EIF2A: variants seen among roughly 807,000 people sequenced by gnomAD.
The protein encoded by EIF2A is eukaryotic translation initiation factor 2A, also known as 65 kDa eukaryotic translation initiation factor 2A.
In EIF2A, 62 loss-of-function variants were observed where a neutral mutation model predicts 75.2. That is an observed-to-expected ratio of 0.82 (90% CI 0.67 to 1.02). EIF2A has a LOEUF of 1.02. Among genes scored for constraint, EIF2A ranks in the 50% least tolerant of loss-of-function variants. The probability of loss-of-function intolerance (pLI) is 0.00; values close to 1 mark genes in which losing one functional copy is unlikely to be tolerated. For synonymous variants in EIF2A, 207 were observed against 239.0 expected, an observed-to-expected ratio of 0.87 and a Z score of 1.23; for missense variants, 611 against 677.7, an observed-to-expected ratio of 0.90 and a Z score of 1.09.
intron 1 of EIF2A, among the ~76,000 whole-genome samples, chr3:150,548,345 G>A (rs1331218729): frequency 6.6e-6 from 1 of 152,176 alleles, no homozygotes; most frequent in Non-Finnish European, 1.5e-5. Context: ...GGCTATTTTT[G>A]TACCTGAAAT....
chr3:150,561,882 C>T (rs2107922009), intron 3 of EIF2A, among the ~76,000 whole-genome samples: 1 of 151,480 alleles, frequency 6.6e-6, no homozygotes, highest in Middle Eastern at 3.4e-3. Context: ...CCTCTGCCTC[C>T]CGAGTAGCTG....
intron 1 of EIF2A, among the ~76,000 whole-genome samples, chr3:150,548,046 A>T (rs573136864): frequency 3.8e-4 from 58 of 152,332 alleles, no homozygotes; most frequent in African/African-American, 1.3e-3. Flanking sequence ...CTCTCTGCTT[A>T]CAGGGTAGAT....
In EIF2A at chr3:150,581,638, T is replaced by A. The variant is rs1442682968; in HGVS notation, c.1518T>A (p.Ser506Arg). ...AAKQEARSDK[S>R]PDLAPTPAPQ... Reference sequence around the variant, plus strand: ...TGCAGGAAGCAAGAAGTGACAAGAGTCCAGATTTGGCACCTACTCCTGCCC... The same window carrying A: ...TGCAGGAAGCAAGAAGTGACAAGAGACCAGATTTGGCACCTACTCCTGCCC... The change falls in exon 12 of 14, where the codon AGT becomes AGA. Residue 506 changes from serine (S) to arginine (R), a missense_variant. By Grantham distance (110) the Ser-to-Arg change is moderately radical (BLOSUM62 -1). Coordinates refer to ENST00000460851, the MANE Select transcript of EIF2A (RefSeq NM_032025.5). 2.3e-5 allele frequency: 36 copies of A among 1,551,152 alleles called. No individual in the cohort carries two copies. Among genetic ancestry groups the A allele is most frequent in the Non-Finnish European group, 3.1e-5 (36 of 1,146,740 alleles).
chr3:150,563,234 T>C (rs1723985585), intron 4 of EIF2A, among the ~76,000 whole-genome samples: 1 of 152,208 alleles, frequency 6.6e-6, no homozygotes, highest in South Asian at 2.1e-4. Context: ...TAGGTCATTA[T>C]TGGCTTACAA....
At chr3:150,548,852 C>T (rs142829347) in intron 1 of EIF2A, among the ~76,000 whole-genome samples, 58 of 152,308 alleles carry the variant, frequency 3.8e-4, no homozygotes, top group African/African-American at 1.3e-3. Flanking sequence ...TGGTCCGATT[C>T]ACACTGCAAA....
At position 150,575,092 on chromosome 3, in the gene EIF2A, AT is replaced by A. The variant is rs549674732; in HGVS notation, c.1384-548del. Among the ~76,000 whole-genome samples, 5 of 151,404 alleles carry A rather than the reference AT, an allele frequency of 3.3e-5. No individual in the cohort carries two copies. The East Asian group carries it at 5.8e-4, about 17-fold the overall frequency. ...ATTGTGTAATCTGACAAGCCATGTAATTTTTTTTTGGTCTCTTCATATGTCA... is the reference window on the plus strand; with the variant it reads ...ATTGTGTAATCTGACAAGCCATGTAATTTTTTTTGGTCTCTTCATATGTCA... On this transcript the variant is annotated intron_variant, in intron 10 of 13. Coordinates refer to ENST00000460851, the MANE Select transcript of EIF2A (RefSeq NM_032025.5).
At chr3:150,553,577 T>C (rs1313414772) in intron 2 of EIF2A, among the ~76,000 whole-genome samples, 1 of 151,940 alleles carries the variant, frequency 6.6e-6, no homozygotes, top group Non-Finnish European at 1.5e-5. Context: ...CCTGGCTAAT[T>C]TTTTTGTATT....
chr3:150,555,855 T>G (rs1009702616), intron 2 of EIF2A, among the ~76,000 whole-genome samples: 7 of 152,022 alleles, frequency 4.6e-5, no homozygotes, highest in Admixed American at 2.6e-4. Context: ...AAAGCAAGTA[T>G]GATGGGATAT....
At chr3:150,572,892 A>C (rs1724625688) in intron 10 of EIF2A, among the ~76,000 whole-genome samples, 1 of 151,944 alleles carries the variant, frequency 6.6e-6, no homozygotes, top group Non-Finnish European at 1.5e-5. Context: ...TCTTGGACTA[A>C]ACAAAACGTA....
chr3:150,561,603 C>CT (rs1469651180), intron 3 of EIF2A, among the ~76,000 whole-genome samples: 5 of 151,730 alleles, frequency 3.3e-5, no homozygotes, highest in African/African-American at 1.2e-4. Flanking sequence ...CAAAAGTATA[C>CT]TTTTGCCATT....
At chr3:150,565,111 C>G (rs1307974325) in intron 6 of EIF2A, 3 of 443,812 alleles carry the variant, frequency 6.8e-6, no homozygotes, top group Non-Finnish European at 1.4e-5. Flanking sequence ...TTGTCTTTCA[C>G]GTTTTCCCAT....
At chr3:150,568,496 G>C (rs543329156) in intron 9 of EIF2A, among the ~76,000 whole-genome samples, 1 of 152,302 alleles carries the variant, frequency 6.6e-6, no homozygotes, top group African/African-American at 2.4e-5. Flanking sequence ...TTAGTTATTT[G>C]AGTTACGCCA....
chr3:150,569,521 G>A (rs1004615510), intron 9 of EIF2A, among the ~76,000 whole-genome samples: 5 of 152,016 alleles, frequency 3.3e-5, no homozygotes, highest in African/African-American at 1.2e-4. Context: ...GCAGGGCAGG[G>A]GAAGTTATCT....
intron 11 of EIF2A, among the ~76,000 whole-genome samples, chr3:150,577,430 A>G (rs1303129503): frequency 6.6e-6 from 1 of 152,084 alleles, no homozygotes; most frequent in Non-Finnish European, 1.5e-5. Context: ...CTGCAACCCC[A>G]GACCCTGAGC....
chr3:150,563,514 G>A lies in EIF2A; in HGVS notation c.293-1G>A. The A allele has an allele frequency of 3.2e-6, 5 of 1,541,154 alleles. No individual in the cohort carries two copies. The highest frequency in any genetic ancestry group is 1.7e-6 in the Non-Finnish European group (2 of 1,143,936). On this transcript the variant is annotated splice_acceptor_variant, in intron 4 of 13. Transcript: ENST00000460851. LOFTEE classifies it high-confidence loss of function. ...ACTGAAAAAAAGAAATTTTATTGCA[G>A]CTTCTAAAGATGGCACAGCTGGGAT... is the stretch of plus-strand genomic sequence containing the variant.
intron 3 of EIF2A, 89 bp from the exon 4 acceptor site, chr3:150,562,453 T>A: frequency 1.0e-6 from 1 of 985,630 alleles, no homozygotes; most frequent in Non-Finnish European, 1.5e-6. Flanking sequence ...TGGAGTGATC[T>A]GTATTTGAAA....
chr3:150,550,341 A>T (rs1723252966), intron 1 of EIF2A, among the ~76,000 whole-genome samples: 1 of 152,242 alleles, frequency 6.6e-6, no homozygotes, highest in South Asian at 2.1e-4. Flanking sequence ...CATGTAGAAA[A>T]AAATTGTTTC....
In EIF2A at chr3:150,568,194, T is replaced by C. The variant is rs1478441660; in HGVS notation, c.713T>C (p.Ile238Thr). The C allele has an allele frequency of 1.2e-6, 2 of 1,612,812 alleles. No homozygotes were observed. The highest frequency in any genetic ancestry group is 1.7e-6 in the Non-Finnish European group (2 of 1,179,536). Reference protein sequence around the residue: ...WNKKATAVLVIASTDVDKTGA... With the variant: ...WNKKATAVLVTASTDVDKTGA... ...GTTATAGCTACTGCTGTGTTGGTAATAGCTAGCACAGATGTTGACAAGACA... is the reference window on the plus strand; with the variant it reads ...GTTATAGCTACTGCTGTGTTGGTAACAGCTAGCACAGATGTTGACAAGACA... The change falls in exon 9 of 14, where the codon ATA becomes ACA. Residue 238 changes from isoleucine (I) to threonine (T), a missense_variant. By Grantham distance (89) the Ile-to-Thr change is moderately conservative (BLOSUM62 -1). Coordinates refer to ENST00000460851, the MANE Select transcript of EIF2A (RefSeq NM_032025.5).
chr3:150,556,682 A>G (rs1182312841), intron 2 of EIF2A, among the ~76,000 whole-genome samples: 5 of 152,210 alleles, frequency 3.3e-5, no homozygotes, highest in African/African-American at 1.2e-4. Flanking sequence ...GTGGATTATC[A>G]TACTTTTTCT....
Sources: gnomAD v4.1 joint callset for allele counts (sites outside exome capture counted in the v4.1 genomes callset) on GRCh38, gnomAD v4.1.1 for gene constraint, MANE v1.5 for transcripts, NCBI Gene and HGNC (gene_info 2026-07-23, HGNC 2026-07-21) for gene names.